Variants in SPEN observed in about 807,000 individuals in gnomAD.
The protein encoded by SPEN is msx2-interacting protein.
Under a neutral mutation model 269.9 loss-of-function variants are expected in SPEN, and 18 were observed. The ratio of observed to expected loss-of-function variants is 0.07; its 90% CI spans 0.05 to 0.10. The LOEUF (loss-of-function observed/expected upper bound fraction) is 0.10, where lower values mean the gene tolerates loss of function less well. Among genes scored for constraint, SPEN ranks in the 10% least tolerant of loss-of-function variants. The pLI is 1.00. For missense variants in SPEN, 3,822 were observed against 4,631.2 expected (o/e 0.83, Z 5.07); for synonymous variants, 1,726 against 1,765.7 (o/e 0.98, Z 0.56).
At chr1:15,927,708 A>G (rs151182784) in intron 10 of SPEN, among the ~76,000 whole-genome samples, 4 of 152,352 alleles carry the variant, frequency 2.6e-5, no homozygotes, top group East Asian at 1.9e-4. Flanking sequence ...CCACTGCCCA[A>G]TAGAAGCATA....
At chr1:15,905,180 G>A (rs549675744) in intron 3 of SPEN, among the ~76,000 whole-genome samples, 6 of 151,294 alleles carry the variant, frequency 4.0e-5, no homozygotes, top group Admixed American at 6.6e-5. Flanking sequence ...GAGCCACTGC[G>A]TCCAGCCATC....
intron 6 of SPEN, chr1:15,917,881 T>A (rs2071080264): frequency 6.5e-6 from 1 of 152,696 alleles, no homozygotes; most frequent in Non-Finnish European, 1.5e-5. Context: ...AAGTCACACA[T>A]CTGAGGTTTC....
In SPEN at chr1:15,937,975, C is replaced by T. The variant is rs565813781; in HGVS notation, c.10673C>T (p.Thr3558Met). The change falls in exon 13 of 15, where the codon ACG (threonine) becomes ATG (methionine). Residue 3558 changes from threonine (T) to methionine (M), a missense_variant. Around this residue, in one of 16 missense-constraint regions of SPEN, gnomAD observed 103 missense variants for 215.8 expected, o/e 0.48. Coordinates refer to ENST00000375759, the MANE Select transcript of SPEN (RefSeq NM_015001.3). The surrounding 1 kb of genome is among the most constrained non-coding windows in gnomAD (Gnocchi z 5.7). ...GCCCAGAGGATGCGGCTGGAGGCAACGCAGCTGGAAGGGGTTGCCCGAAGG... is the reference window on the plus strand; with the variant it reads ...GCCCAGAGGATGCGGCTGGAGGCAATGCAGCTGGAAGGGGTTGCCCGAAGG... ...RIAQRMRLEA[T>M]QLEGVARRMT... 16 of 1,612,198 alleles carry T rather than the reference C, an allele frequency of 9.9e-6. No homozygotes were observed. The highest frequency in any genetic ancestry group is 6.8e-5 in the Admixed American group (4 of 59,204).
chr1:15,883,577 C>T (rs1158969491), intron 3 of SPEN, among the ~76,000 whole-genome samples: 1 of 152,028 alleles, frequency 6.6e-6, no homozygotes, highest in African/African-American at 2.4e-5. Flanking sequence ...TGCGCCACCA[C>T]ATCTGGCTAA....
chr1:15,887,527 C>T (rs1213608459), intron 3 of SPEN, among the ~76,000 whole-genome samples: 4 of 146,028 alleles, frequency 2.7e-5, no homozygotes, highest in African/African-American at 7.6e-5. Context: ...GATCTCCTGA[C>T]CTCATGATCT....
chr1:15,927,307 G>T (rs959841693), intron 10 of SPEN, among the ~76,000 whole-genome samples: 3 of 152,176 alleles, frequency 2.0e-5, no homozygotes, highest in Non-Finnish European at 4.4e-5. Context: ...AACATTTACT[G>T]AGGCCAAGTA....
At position 15,913,911 on chromosome 1, in the gene SPEN, G is replaced by A. The variant is rs2071033908; in HGVS notation, c.1244-2217G>A. ...ATGCACCAGGCAGGCCATTTGGTGGGAATGAAGCCGTTACAGATTTTAATA... is the reference window on the plus strand; with the variant it reads ...ATGCACCAGGCAGGCCATTTGGTGGAAATGAAGCCGTTACAGATTTTAATA... On this transcript the variant is annotated intron_variant, in intron 5 of 14. Coordinates refer to ENST00000375759, the MANE Select transcript of SPEN (RefSeq NM_015001.3). Among the ~76,000 whole-genome samples, 4 of 152,188 alleles carry A rather than the reference G, an allele frequency of 2.6e-5. No individual in the cohort carries two copies. In the South Asian group the frequency reaches 8.3e-4, roughly 32 times the overall value.
At chr1:15,923,673 C>G (rs1432084605) in intron 10 of SPEN, among the ~76,000 whole-genome samples, 5 of 140,218 alleles carry the variant, frequency 3.6e-5, no homozygotes, top group Non-Finnish European at 1.6e-5. Context: ...ATACTTTGTG[C>G]TTTTTTTTTT....
chr1:15,876,738 C>A, intron 3 of SPEN, 60 bp downstream of exon 3: 1 of 1,222,750 alleles, frequency 8.2e-7, no homozygotes, highest in Non-Finnish European at 1.2e-6. Flanking sequence ...TCTCAACAAT[C>A]AGTGGGAATG....
chr1:15,925,983 A>G (rs896630754), intron 10 of SPEN, among the ~76,000 whole-genome samples: 2 of 152,212 alleles, frequency 1.3e-5, no homozygotes, highest in Non-Finnish European at 2.9e-5. Flanking sequence ...CCTCGTCACT[A>G]TTTAGACAAG....
At chr1:15,894,543 T>G (rs946132249) in intron 3 of SPEN, among the ~76,000 whole-genome samples, 1 of 144,036 alleles carries the variant, frequency 6.9e-6, no homozygotes, top group South Asian at 2.2e-4. Flanking sequence ...GTTGTTTTTT[T>G]TTTTTTTTTT....
chr1:15,926,314 C>T (rs1484010610), intron 10 of SPEN, among the ~76,000 whole-genome samples: 2 of 151,870 alleles, frequency 1.3e-5, no homozygotes, highest in African/African-American at 2.4e-5. Context: ...GTAGGAGAAT[C>T]GCTTGAACCC....
At position 15,933,250 on chromosome 1, in the gene SPEN, G is replaced by A. The variant is rs781294382; in HGVS notation, c.7010G>A (p.Arg2337Gln). 10 of 1,613,980 alleles carry A rather than the reference G, an allele frequency of 6.2e-6. No individual in the cohort carries two copies. The highest frequency in any genetic ancestry group is 5.3e-5 in the African/African-American group (4 of 74,912). The change falls in exon 11 of 15, where the codon CGA (arginine) becomes CAA (glutamine). Residue 2337 changes from arginine to glutamine, a missense_variant. Arg to Gln is a conservative substitution (Grantham distance 43). Coordinates refer to ENST00000375759, the MANE Select transcript of SPEN (RefSeq NM_015001.3). This position sits in a 1 kb window ranked among gnomAD's most constrained non-coding sequence, Gnocchi z 5.7. ...GACAAAGGGCGCCAGAAAACAACCC[G>A]ATCACGCCGCAAGCGAAACACAAAC... ...RKDKGRQKTT[R>Q]SRRKRNTNKK...
intron 5 of SPEN, among the ~76,000 whole-genome samples, chr1:15,914,010 G>T (rs2071034634): frequency 6.6e-6 from 1 of 152,164 alleles, no homozygotes; most frequent in Non-Finnish European, 1.5e-5. Flanking sequence ...TGAATTTTTT[G>T]AAATATTATT....
intron 1 of SPEN, among the ~76,000 whole-genome samples, chr1:15,862,080 A>G (rs1212774369): frequency 6.6e-6 from 1 of 152,124 alleles, no homozygotes; most frequent in Non-Finnish European, 1.5e-5. Context: ...TGCGGGAGTT[A>G]GCCACCATTC....
intron 1 of SPEN, among the ~76,000 whole-genome samples, chr1:15,856,094 A>C (rs1404005237): frequency 1.5e-4 from 22 of 142,842 alleles, no homozygotes; most frequent in Non-Finnish European, 2.9e-4. Context: ...CTGGGTTCAC[A>C]CCATTCTGCG....
intron 1 of SPEN, among the ~76,000 whole-genome samples, chr1:15,859,087 T>C (rs2070415325): frequency 6.6e-6 from 1 of 152,108 alleles, no homozygotes; most frequent in East Asian, 1.9e-4. Context: ...TTAATTAGTA[T>C]TTTTAAAGTT....
In SPEN at chr1:15,928,598, A is replaced by G. The variant is rs1447243326; in HGVS notation, c.2358A>G (p.Thr786=). Residue 786 remains threonine, a synonymous_variant, in exon 11 of 15, where the codon ACA becomes ACG. Transcript: ENST00000375759. This position sits in a 1 kb window ranked among gnomAD's most constrained non-coding sequence, Gnocchi z 5.7. ...ACAAGTCTCGTTTGGAGCGCTATAC[A>G]AAAAATGAAAAGACAGATAAAGAAC... ...KLDKSRLERY[T]KNEKTDKERT... 1 of 1,614,056 alleles carries G rather than the reference A, an allele frequency of 6.2e-7. No individual in the cohort carries two copies. The highest frequency in any genetic ancestry group is 1.3e-5 in the African/African-American group (1 of 74,920).
At chr1:15,884,240 AT>A (rs1343109978) in intron 3 of SPEN, among the ~76,000 whole-genome samples, 1 of 151,972 alleles carries the variant, frequency 6.6e-6, no homozygotes, top group African/African-American at 2.4e-5. Flanking sequence ...AATAAGAAGC[AT>A]TTTTTTTCTG....
Sources: allele counts gnomAD v4.1 joint callset (sites outside exome capture counted in the v4.1 genomes callset), GRCh38; gene constraint gnomAD v4.1.1; regional missense constraint gnomAD v4.1.1; non-coding constraint Gnocchi (gnomAD v3.1); transcripts MANE v1.5; gene names NCBI Gene and HGNC (gene_info 2026-07-23, HGNC 2026-07-21).